NAV3: variants seen among roughly 807,000 people sequenced by gnomAD.
NAV3 encodes the protein pore membrane and/or filament interacting like protein 1.
A neutral mutation model predicts 244.7 loss-of-function variants in NAV3; 87 were observed. That is an observed-to-expected ratio of 0.36 (90% CI 0.30 to 0.42). The LOEUF (loss-of-function observed/expected upper bound fraction) is 0.42. Ranked by LOEUF, NAV3 falls within the 20% of genes least tolerant of loss-of-function variation. The pLI is 1.00. For synonymous variants in NAV3, 1,126 were observed against 1,042.2 expected (o/e 1.08, Z -1.55); for missense variants, 2,663 against 2,893.3 (o/e 0.92, Z 1.83).
intron 2 of NAV3, among the ~76,000 whole-genome samples, chr12:77,641,129 G>T (rs915488090): frequency 6.6e-6 from 1 of 152,090 alleles, no homozygotes; most frequent in Non-Finnish European, 1.5e-5. Context: ...ACATTCCTCA[G>T]ATCAAAAGTT....
intron 2 of NAV3, among the ~76,000 whole-genome samples, chr12:77,762,977 A>G (rs924198087): frequency 1.3e-5 from 2 of 152,210 alleles, no homozygotes; most frequent in African/African-American, 4.8e-5. Context: ...GGAAATGTGA[A>G]CCTTAATTTG....
At chr12:78,184,230 A>G (rs1205511988) in intron 30 of NAV3, among the ~76,000 whole-genome samples, 1 of 151,888 alleles carries the variant, frequency 6.6e-6, no homozygotes, top group Non-Finnish European at 1.5e-5. Flanking sequence ...TACCATTTAT[A>G]CCTAATAAAT....
At chr12:77,974,213 A>T (rs886259490) in intron 5 of NAV3, among the ~76,000 whole-genome samples, 6 of 152,124 alleles carry the variant, frequency 3.9e-5, no homozygotes, top group Non-Finnish European at 8.8e-5. Flanking sequence ...TAACCCAGTA[A>T]TCAATTTTTA....
At chr12:77,819,093 T>A (rs1174682910) in intron 2 of NAV3, among the ~76,000 whole-genome samples, 1 of 152,080 alleles carries the variant, frequency 6.6e-6, no homozygotes, top group Non-Finnish European at 1.5e-5. Context: ...GCATTTCCAA[T>A]GACTAAAAAT....
intron 2 of NAV3, among the ~76,000 whole-genome samples, chr12:77,722,228 G>C (rs533768151): frequency 6.6e-6 from 1 of 152,192 alleles, no homozygotes; most frequent in African/African-American, 2.4e-5. Flanking sequence ...GTGTTTGGTA[G>C]TATTTTCTAC....
intron 1 of NAV3, among the ~76,000 whole-genome samples, chr12:77,870,783 G>A (rs978390253): frequency 6.6e-6 from 1 of 151,892 alleles, no homozygotes; most frequent in African/African-American, 2.4e-5. Flanking sequence ...GAAAGGGGGA[G>A]GGTTTAAATT....
Position 77,947,211 on chromosome 12 carries a change from G to T in NAV3, c.414+6078G>T, listed in dbSNP as rs1022425325. On this transcript the variant is annotated intron_variant, in intron 3 of 39. Transcript: ENST00000397909. ...ATGTCCGATAGGGTTATGGCTCCCAGAATCATTACTGTTATGGAATTCACA... is the reference window on the plus strand; with the variant it reads ...ATGTCCGATAGGGTTATGGCTCCCATAATCATTACTGTTATGGAATTCACA... Among the ~76,000 whole-genome samples, 3 of 151,928 alleles carry T rather than the reference G, an allele frequency of 2.0e-5. No homozygotes were observed. The East Asian group carries it at 5.8e-4, about 29-fold the overall frequency.
chr12:77,687,346 T>G (rs1052596387), intron 2 of NAV3, among the ~76,000 whole-genome samples: 1 of 152,026 alleles, frequency 6.6e-6, no homozygotes, highest in Non-Finnish European at 1.5e-5. Flanking sequence ...TGTATAAGAA[T>G]GCTTGTTGTG....
At chr12:77,584,277 C>T in intron 2 of NAV3, among the ~76,000 whole-genome samples, 1 of 151,788 alleles carries the variant, frequency 6.6e-6, no homozygotes, top group East Asian at 1.9e-4. Flanking sequence ...GAAGAAAAGC[C>T]TATGTGGGTA....
At chr12:78,066,507 T>C (rs1412325706) in intron 12 of NAV3, among the ~76,000 whole-genome samples, 4 of 152,108 alleles carry the variant, frequency 2.6e-5, no homozygotes, top group African/African-American at 7.2e-5. Context: ...AAGCTCCAGA[T>C]ACCATATATT....
rs140777514 is a variant in NAV3, at chr12:77,885,945, A to G, written c.243+54241A>G. 3.2e-3 allele frequency among the ~76,000 whole-genome samples: 483 copies of G among 152,258 alleles called. 3 individuals are homozygous for G. Among genetic ancestry groups the G allele is most frequent in the African/African-American group, 0.011 (442 of 41,572 alleles). On this transcript the variant is annotated intron_variant, in intron 1 of 39. Transcript: ENST00000397909. Reference sequence around the variant, plus strand: ...CCTTTTTAGGCAATTCCTCCTCTCCATTAAAAGAAACATAATTTATCTATT... The same window carrying G: ...CCTTTTTAGGCAATTCCTCCTCTCCGTTAAAAGAAACATAATTTATCTATT...
At chr12:78,094,662 G>A (rs889783012) in intron 12 of NAV3, among the ~76,000 whole-genome samples, 1 of 151,992 alleles carries the variant, frequency 6.6e-6, no homozygotes, top group Non-Finnish European at 1.5e-5. Flanking sequence ...TGAACATTGA[G>A]GAAACGGTGA....
At chr12:78,144,965 A>G (rs1393318412) in intron 20 of NAV3, 2 of 189,524 alleles carry the variant, frequency 1.1e-5, no homozygotes, top group Non-Finnish European at 2.2e-5. Context: ...AGAAAGAAAA[A>G]CAACAACAAA....
rs956131506 is a variant in NAV3 at position 77,931,973 on chromosome 12, C to G, written c.244-8346C>G. ...AATGTCTTTTGTGATTCATTATAGG[C>G]CATCCTATAATGATGGCCAGCTCAT... is the stretch of plus-strand genomic sequence containing the variant. On this transcript the variant is annotated intron_variant, in intron 1 of 39. Transcript: ENST00000397909. 7.9e-5 allele frequency among the ~76,000 whole-genome samples: 12 copies of G among 151,984 alleles called. No homozygotes were observed. The South Asian group carries it at 1.9e-3, about 24-fold the overall frequency.
rs1344353772 is a variant in NAV3 at position 77,774,725 on chromosome 12, C to T, written c.73-165594C>T. Among the ~76,000 whole-genome samples, 6 of 152,196 alleles carry T rather than the reference C, an allele frequency of 3.9e-5. No individual in the cohort carries two copies. The South Asian group carries it at 1.0e-3, about 26-fold the overall frequency. On this transcript the variant is annotated intron_variant, in intron 2 of 8. Transcript: ENST00000550042. ...AAAGCAGATGAGCACTTTGCCACCCCGCATTTAAATACATTATAATCTCCC... is the reference window on the plus strand; with the variant it reads ...AAAGCAGATGAGCACTTTGCCACCCTGCATTTAAATACATTATAATCTCCC...
At chr12:78,029,646 A>C (rs1376839485) in intron 9 of NAV3, among the ~76,000 whole-genome samples, 1 of 152,164 alleles carries the variant, frequency 6.6e-6, no homozygotes, top group Non-Finnish European at 1.5e-5. Flanking sequence ...TACAGTGTAC[A>C]GTAACCTTTT....
intron 2 of NAV3, among the ~76,000 whole-genome samples, chr12:77,712,251 C>G (rs1389277430): frequency 6.6e-6 from 1 of 152,136 alleles, no homozygotes; most frequent in Non-Finnish European, 1.5e-5. Context: ...ACAGCAAAAA[C>G]AAAATCACTG....
intron 3 of NAV3, among the ~76,000 whole-genome samples, chr12:77,960,116 A>G (rs1004893805): frequency 6.6e-6 from 1 of 151,870 alleles, no homozygotes; most frequent in Non-Finnish European, 1.5e-5. Flanking sequence ...GAGAAGAGAG[A>G]CATCAGCTCC....
chr12:77,901,172 T>C (rs894333113), intron 1 of NAV3, among the ~76,000 whole-genome samples: 4 of 152,344 alleles, frequency 2.6e-5, no homozygotes, highest in African/African-American at 7.2e-5. Context: ...ATTTTATAGA[T>C]TGCGTATTTA....
Sources: gnomAD v4.1 joint callset for allele counts (sites outside exome capture counted in the v4.1 genomes callset) on GRCh38, gnomAD v4.1.1 for gene constraint, MANE v1.5 for transcripts, NCBI Gene and HGNC (gene_info 2026-07-23, HGNC 2026-07-21) for gene names.